Variants in NECAB2 observed in about 807,000 individuals in gnomAD.
NECAB2 encodes N-terminal EF-hand calcium-binding protein 2.
Under a neutral mutation model 51.9 loss-of-function variants are expected in NECAB2, and 68 were observed. The ratio of observed to expected loss-of-function variants is 1.31; its 90% CI spans 1.08 to 1.60. The LOEUF is 1.60. Among genes scored for constraint, NECAB2 ranks in the 40% most tolerant of loss-of-function variants. The pLI, the probability that NECAB2 is intolerant of heterozygous loss-of-function variation, is 0.00. For synonymous variants in NECAB2, 329 were observed against 203.5 expected (o/e 1.62, Z -5.25); for missense variants, 854 against 490.3 (o/e 1.74, Z -7.00).
At chr16:83,986,732 C>G (rs988893425) in intron 5 of NECAB2, among the ~76,000 whole-genome samples, 13 of 147,480 alleles carry the variant, frequency 8.8e-5, no homozygotes, top group African/African-American at 2.5e-4. Flanking sequence ...TTTGCTTAGA[C>G]TAGTCTCAAA....
Position 83,978,495 on chromosome 16 carries a change from TC to T in NECAB2, c.280del (p.Asn95MetfsTer46). 1 of 1,614,014 alleles carries T rather than the reference TC, an allele frequency of 6.2e-7. No homozygotes were observed. The highest frequency in any genetic ancestry group is 8.5e-7 in the Non-Finnish European group (1 of 1,179,996). On this transcript the variant is annotated frameshift_variant, in exon 3 of 13. Coordinates refer to ENST00000305202, the MANE Select transcript of NECAB2 (RefSeq NM_019065.3). LOFTEE classifies it high-confidence loss of function. ...EEFQLFFADG[V>X]LNEKELEDLF... ...TTCCAGCTCTTCTTTGCAGATGGCG[TC>T]CTTAATGAGAAAGAACTGGAGGATC...
chr16:83,998,086 A>C (rs2084744693), intron 9 of NECAB2, 119 bp from the exon 10 acceptor site: 2 of 865,112 alleles, frequency 2.3e-6, no homozygotes, highest in African/African-American at 1.7e-5. Context: ...GGTAAGAATG[A>C]AAAGTGGGGG....
upstream of NECAB2, among the ~76,000 whole-genome samples, chr16:83,967,396 T>C (rs1189341263): frequency 7.6e-6 from 1 of 130,860 alleles, no homozygotes; most frequent in East Asian, 2.4e-4. Context: ...GGTGGGTGGG[T>C]GGACAGATGG....
intron 10 of NECAB2, 58 bp downstream of exon 10, chr16:83,998,375 G>A (rs2084751510): frequency 2.0e-6 from 3 of 1,523,734 alleles, no homozygotes; most frequent in Non-Finnish European, 2.7e-6. Context: ...CCTGGCAGTG[G>A]AGGAACAGGG....
chr16:83,992,957 C>T (rs948649075), intron 6 of NECAB2, among the ~76,000 whole-genome samples: 1 of 152,208 alleles, frequency 6.6e-6, no homozygotes, highest in Non-Finnish European at 1.5e-5. Context: ...GCGCAGTTTT[C>T]AGGGCAGACT....
At chr16:83,991,680 G>C (rs186920723) in intron 6 of NECAB2, among the ~76,000 whole-genome samples, 18 of 151,760 alleles carry the variant, frequency 1.2e-4, no homozygotes, top group Non-Finnish European at 2.4e-4. Context: ...ACAGAATCTT[G>C]CTGTGTCCCC....
rs57610964 is a variant in NECAB2 at position 83,993,620 on chromosome 16, CTGTGTGTGTGTGTGTGTGTGTGTGTG to C, written c.597-658_597-633del. ...TGTGCTGGACACAGTGCAAGGTGAG[CTGTGTGTGTGTGTGTGTGTGTGTGTG>C]TGTGTGTGTGTGTGTGTGTGTGTCT... On this transcript the variant is annotated intron_variant, in intron 6 of 12. Coordinates refer to ENST00000305202, the MANE Select transcript of NECAB2 (RefSeq NM_019065.3). 7 of 135,432 alleles carry C rather than the reference CTGTGTGTGTGTGTGTGTGTGTGTGTG, an allele frequency of 5.2e-5. No homozygotes were observed. In the East Asian group the frequency reaches 6.9e-4, roughly 13 times the overall value. 8.4% of individuals were successfully genotyped at this position (135,432 alleles called of 1,614,324 possible). A position where few individuals can be genotyped will look rare whatever the true frequency, so the allele number is the denominator to read the frequency against.
chr16:83,993,207 G>A (rs943760631), intron 6 of NECAB2, among the ~76,000 whole-genome samples: 1 of 152,130 alleles, frequency 6.6e-6, no homozygotes, highest in Admixed American at 6.5e-5. Context: ...TCTAGCACAG[G>A]CTACTGGCTC....
In NECAB2 at chr16:83,968,860, G is replaced by C. The variant is rs1000159572; in HGVS notation, c.201+11G>C. 2 of 1,116,036 alleles carry C rather than the reference G, an allele frequency of 1.8e-6. No homozygotes were observed. Among genetic ancestry groups the C allele is most frequent in the African/African-American group, 1.7e-5 (1 of 59,994 alleles). 69.1% of individuals were successfully genotyped at this position (1,116,036 alleles called of 1,614,324 possible). ...GCCGTCATCCTGGACGTGAGTACGC[G>C]CCGGCCGGGACCCCCGCCGTGGCCT... On this transcript the variant is annotated intron_variant, in intron 1 of 12. Transcript: ENST00000305202.
chr16:84,001,290 G>A (rs1053596851), intron 11 of NECAB2, among the ~76,000 whole-genome samples: 4 of 151,984 alleles, frequency 2.6e-5, no homozygotes, highest in African/African-American at 4.8e-5. Context: ...GGGAGAGGGT[G>A]GAGACTATTG....
At chr16:83,975,160 G>A (rs1421511160) in intron 2 of NECAB2, among the ~76,000 whole-genome samples, 1 of 116,562 alleles carries the variant, frequency 8.6e-6, no homozygotes, top group Non-Finnish European at 1.6e-5. Context: ...GCAGGGAGGT[G>A]TGGGTGCAGG....
intron 12 of NECAB2, 40 bp from the exon 13 acceptor site, chr16:84,002,278 A>G (rs2084853027): frequency 6.2e-7 from 1 of 1,611,880 alleles, no homozygotes; most frequent in Non-Finnish European, 8.5e-7. Flanking sequence ...GGCTGCCCAC[A>G]TTCGCACTCC....
In NECAB2 at chr16:83,998,333, A is replaced by C. The variant is rs183523225; in HGVS notation, c.962+16A>C. On this transcript the variant is annotated intron_variant, in intron 10 of 12. Transcript: ENST00000305202. ...ACTGCTTCCAGTGAGTGAGCTGCCG[A>C]GGCGTGGGTGGGATGGTGGCAGGGA... 14 of 1,611,122 alleles carry C rather than the reference A, an allele frequency of 8.7e-6. No individual in the cohort carries two copies. Among genetic ancestry groups the C allele is most frequent in the East Asian group, 6.7e-5 (3 of 44,844 alleles).
chr16:83,972,617 C>T (rs1428901340), intron 2 of NECAB2, among the ~76,000 whole-genome samples: 1 of 152,198 alleles, frequency 6.6e-6, no homozygotes, highest in Non-Finnish European at 1.5e-5. Context: ...AGTGCTCTTG[C>T]CTCTGTTGAC....
chr16:83,970,891 G>A lies in NECAB2; in HGVS notation c.202-1260G>A, dbSNP rs113374366. ...GTGGATCACCTGAGGTCAGGGGTTC[G>A]AGACCAGCTTGACCAACAAGGTGAA... On this transcript the variant is annotated intron_variant, in intron 1 of 12. Transcript: ENST00000305202. Among the ~76,000 whole-genome samples, 672 of 152,292 alleles carry A rather than the reference G, an allele frequency of 4.4e-3. 5 individuals are homozygous for A. Among genetic ancestry groups the A allele is most frequent in the African/African-American group, 0.016 (653 of 41,564 alleles).
At chr16:83,997,188 A>G (rs754014592) in intron 8 of NECAB2, 28 bp from the exon 9 acceptor site, 2 of 1,613,880 alleles carry the variant, frequency 1.2e-6, no homozygotes, top group African/African-American at 1.3e-5. Flanking sequence ...CTCTGGGTCT[A>G]GCATCACTGT....
chr16:83,969,571 AC>A (rs2084326693), intron 1 of NECAB2, among the ~76,000 whole-genome samples: 1 of 142,784 alleles, frequency 7.0e-6, no homozygotes, highest in African/African-American at 2.7e-5. Context: ...CTCACCCCTC[AC>A]CCCTCCTAAC....
intron 5 of NECAB2, among the ~76,000 whole-genome samples, chr16:83,987,178 T>A (rs2084567217): frequency 1.3e-5 from 2 of 152,094 alleles, no homozygotes; most frequent in Non-Finnish European, 2.9e-5. Context: ...CTAGAAAAAA[T>A]AGTAAACTTA....
At chr16:83,998,507 G>A (rs1239193882) in intron 10 of NECAB2, among the ~76,000 whole-genome samples, 190 bp downstream of exon 10, 3 of 152,132 alleles carry the variant, frequency 2.0e-5, no homozygotes, top group South Asian at 4.1e-4. Context: ...TGTGGCAGGT[G>A]TCTTCATCTC....
Sources: gnomAD v4.1 joint callset for allele counts (sites outside exome capture counted in the v4.1 genomes callset) on GRCh38, gnomAD v4.1.1 for gene constraint, MANE v1.5 for transcripts, NCBI Gene and HGNC (gene_info 2026-07-23, HGNC 2026-07-21) for gene names.